The following CFAP299 variants were observed in gnomAD, a reference collection of about 807,000 sequenced individuals.
The protein encoded by CFAP299 is cilia and flagella associated protein 299, also known as cilia- and flagella-associated protein 299.
In CFAP299, 21 loss-of-function variants were observed where a neutral mutation model predicts 27.0. That is an observed-to-expected ratio of 0.78 (90% CI 0.55 to 1.12). The LOEUF is 1.12. CFAP299 is among the 50% of genes most tolerant of loss of function. CFAP299 has a pLI of 0.00. For missense variants in CFAP299, 310 were observed against 276.6 expected, an observed-to-expected ratio of 1.12 and a Z score of -0.86; for synonymous variants, 104 against 98.1, an observed-to-expected ratio of 1.06 and a Z score of -0.36.
intron 2 of CFAP299, among the ~76,000 whole-genome samples, chr4:80,493,976 C>A (rs1162443512): frequency 6.6e-6 from 1 of 151,696 alleles, no homozygotes; most frequent in East Asian, 1.9e-4. Context: ...GGGGTTTCAC[C>A]TTGTTAGCCA....
At chr4:80,475,214 GT>G (rs1232271215) in intron 2 of CFAP299, among the ~76,000 whole-genome samples, 1 of 152,188 alleles carries the variant, frequency 6.6e-6, no homozygotes, top group Non-Finnish European at 1.5e-5. Flanking sequence ...AGCTTAGAAT[GT>G]TTAAAACAGG....
intron 4 of CFAP299, among the ~76,000 whole-genome samples, chr4:80,899,625 G>T (rs1734785518): frequency 6.6e-6 from 1 of 152,190 alleles, no homozygotes; most frequent in African/African-American, 2.4e-5. Context: ...AACTAGGCAT[G>T]TCAGAGATTT....
At chr4:80,601,412 A>G (rs1737343665) in intron 3 of CFAP299, among the ~76,000 whole-genome samples, 1 of 152,200 alleles carries the variant, frequency 6.6e-6, no homozygotes, top group Non-Finnish European at 1.5e-5. Context: ...ATGAATAAAT[A>G]AATGCTGTTA....
At chr4:80,841,018 G>A (rs1560438763) in intron 3 of CFAP299, among the ~76,000 whole-genome samples, 1 of 151,988 alleles carries the variant, frequency 6.6e-6, no homozygotes, top group Non-Finnish European at 1.5e-5. Flanking sequence ...TGCCACTCAG[G>A]ACAACTAAAT....
intron 3 of CFAP299, among the ~76,000 whole-genome samples, chr4:80,673,971 A>T (rs1719217264): frequency 6.7e-6 from 1 of 149,054 alleles, no homozygotes; most frequent in African/African-American, 2.5e-5. Flanking sequence ...CTTGACTTTT[A>T]TCCAATTTGC....
At chr4:80,543,487 T>C (rs1475595911) in intron 2 of CFAP299, among the ~76,000 whole-genome samples, 3 of 152,132 alleles carry the variant, frequency 2.0e-5, no homozygotes, top group Non-Finnish European at 4.4e-5. Flanking sequence ...AAAGATGACA[T>C]AACCATTCTA....
chr4:80,438,685 T>C (rs2110084555), intron 2 of CFAP299, among the ~76,000 whole-genome samples: 1 of 152,356 alleles, frequency 6.6e-6, no homozygotes. Context: ...TTCTTAGAAA[T>C]GTCCAGGCTT....
At chr4:80,731,696 G>A (rs1197388390) in intron 3 of CFAP299, among the ~76,000 whole-genome samples, 1 of 152,068 alleles carries the variant, frequency 6.6e-6, no homozygotes, top group Non-Finnish European at 1.5e-5. Flanking sequence ...CAATCAAATA[G>A]TATGTGACCT....
intron 3 of CFAP299, among the ~76,000 whole-genome samples, chr4:80,860,858 G>A (rs1176353593): frequency 2.0e-5 from 3 of 152,164 alleles, no homozygotes; most frequent in Non-Finnish European, 4.4e-5. Flanking sequence ...AGGGGTCAGG[G>A]GTCAGGGACC....
chr4:80,464,155 A>C (rs1015473023), intron 2 of CFAP299, among the ~76,000 whole-genome samples: 3 of 152,178 alleles, frequency 2.0e-5, no homozygotes, highest in African/African-American at 4.8e-5. Context: ...ACAAATGTTA[A>C]GACCAAATTA....
intron 3 of CFAP299, among the ~76,000 whole-genome samples, chr4:80,684,082 C>T (rs570204198): frequency 6.6e-6 from 1 of 152,212 alleles, no homozygotes; most frequent in East Asian, 1.9e-4. Flanking sequence ...AGAGATAAGC[C>T]TATTCTTGCC....
intron 2 of CFAP299, among the ~76,000 whole-genome samples, chr4:80,582,879 T>A (rs1306575127): frequency 6.6e-6 from 1 of 151,824 alleles, no homozygotes; most frequent in Non-Finnish European, 1.5e-5. Context: ...TTGATATGGA[T>A]ATATTATTTA....
At chr4:80,706,262 C>A (rs530302615) in intron 3 of CFAP299, among the ~76,000 whole-genome samples, 1 of 151,526 alleles carries the variant, frequency 6.6e-6, no homozygotes, top group African/African-American at 2.4e-5. Context: ...TTTATGCAAA[C>A]ATACCCTAAA....
In CFAP299 at chr4:80,530,690, G is replaced by A. The variant is rs556189876; in HGVS notation, c.243-52403G>A. On this transcript the variant is annotated intron_variant, in intron 2 of 5. Coordinates refer to ENST00000358105, the MANE Select transcript of CFAP299 (RefSeq NM_152770.3). The stretch of plus-strand genomic sequence containing the variant: ...AAATTGTAAATGCAATGGAGAAGAG[G>A]GGGTATGCTGTCATTATTTCATAAT... Among the ~76,000 whole-genome samples the A allele has an allele frequency of 2.6e-5, 4 of 152,298 alleles. No homozygotes were observed. In the South Asian group the frequency reaches 6.2e-4, roughly 24 times the overall value.
At chr4:80,656,193 CTA>C (rs945459317) in intron 3 of CFAP299, among the ~76,000 whole-genome samples, 45 of 152,104 alleles carry the variant, frequency 3.0e-4, no homozygotes, top group African/African-American at 1.0e-3. Flanking sequence ...AAAAAAAAGA[CTA>C]TTATTATTAC....
intron 1 of CFAP299, among the ~76,000 whole-genome samples, chr4:80,348,609 A>G (rs1055873454): frequency 6.6e-6 from 1 of 152,166 alleles, no homozygotes; most frequent in Non-Finnish European, 1.5e-5. Flanking sequence ...TAAGAGTTTG[A>G]GTGAGAACTT....
intron 3 of CFAP299, among the ~76,000 whole-genome samples, chr4:80,819,422 C>T (rs17004997): frequency 0.021 from 3,140 of 152,034 alleles, 68 homozygotes; most frequent in African/African-American, 0.059. Flanking sequence ...AACTGTTGAG[C>T]GAATGGAATC....
chr4:80,693,440 C>T (rs372799410), intron 3 of CFAP299, among the ~76,000 whole-genome samples: 3,142 of 150,650 alleles, frequency 0.021, 80 homozygotes, highest in South Asian at 0.062. Context: ...AGTAAACTAT[C>T]GCAAGAACAA....
chr4:80,348,291 A>G (rs907102213), intron 1 of CFAP299, among the ~76,000 whole-genome samples: 1 of 152,254 alleles, frequency 6.6e-6, no homozygotes, highest in Non-Finnish European at 1.5e-5. Flanking sequence ...GCAAAAATTG[A>G]CAAATGGGAT....
Sources: allele counts gnomAD v4.1 joint callset (sites outside exome capture counted in the v4.1 genomes callset), GRCh38; gene constraint gnomAD v4.1.1; transcripts MANE v1.5; gene names NCBI Gene and HGNC (gene_info 2026-07-23, HGNC 2026-07-21).